Variants in ABCC11 observed in about 807,000 individuals in gnomAD.
The protein encoded by ABCC11 is ATP binding cassette subfamily C member 11, also known as ATP-binding cassette sub-family C member 11.
In ABCC11, 135 loss-of-function variants were observed where a neutral mutation model predicts 149.3. That is an observed-to-expected ratio of 0.90 (90% confidence interval 0.79 to 1.04). ABCC11 has a LOEUF of 1.04. Among genes scored for constraint, ABCC11 ranks in the 50% least tolerant of loss-of-function variants. ABCC11 has a pLI of 0.00. For missense variants in ABCC11, 1,680 were observed against 1,722.1 expected (o/e 0.98, Z 0.43); for synonymous variants, 665 against 671.4 (o/e 0.99, Z 0.15).
chr16:48,192,398 T>A (rs2150785426), intron 20 of ABCC11, 122 bp downstream of exon 20: 1 of 1,086,548 alleles, frequency 9.2e-7, no homozygotes, highest in South Asian at 1.7e-5. Context: ...GAGTGGAGAT[T>A]GTGCCACTGC....
chr16:48,222,554 G>T, intron 6 of ABCC11, 44 bp downstream of exon 6: 3 of 1,545,764 alleles, frequency 1.9e-6, no homozygotes, highest in Non-Finnish European at 2.7e-6. Flanking sequence ...TCCGGAGGAA[G>T]GGTAGGGAAG....
At chr16:48,180,866 A>T (rs767164361) in intron 23 of ABCC11, among the ~76,000 whole-genome samples, 65 of 152,230 alleles carry the variant, frequency 4.3e-4, no homozygotes, top group Non-Finnish European at 8.4e-4. Context: ...CTGAGACGTT[A>T]TTACCAGGAT....
rs773385493 is a variant in ABCC11 at position 48,200,422 on chromosome 16, G to A, written c.1936C>T (p.Arg646Cys). Residue 646 changes from arginine (R) to cysteine (C), a missense_variant, in exon 15 of 30, where the codon CGC becomes TGC. By Grantham distance (180) the Arg-to-Cys change is radical (BLOSUM62 -3). Coordinates refer to ENST00000356608, the MANE Select transcript of ABCC11 (RefSeq NM_001370497.1). ...ATCTGACGGTCGGAATAGACGGCGC[G>A]GGCCAGGCTGATCCTCTGTTTCTGC... ...GGQKQRISLA[R>C]AVYSDRQIYL... is the part of the protein sequence containing the mutation. 40 of 1,614,072 alleles carry A rather than the reference G, an allele frequency of 2.5e-5. No homozygotes were observed. The highest frequency in any genetic ancestry group is 1.6e-4 in the East Asian group (7 of 44,886).
chr16:48,229,423 C>T (rs1296597497), intron 3 of ABCC11, among the ~76,000 whole-genome samples: 1 of 148,100 alleles, frequency 6.8e-6, no homozygotes, highest in Admixed American at 6.7e-5. Context: ...TGGAAATCAA[C>T]TTGGTTACTC....
Position 48,208,436 on chromosome 16 carries a change from T to G in ABCC11, c.1669A>C (p.Ile557Leu). ...GSGKSSLLSAILEEMHLLEGS... is the reference protein window; with the variant it reads ...GSGKSSLLSALLEEMHLLEGS... ...CACAGATCACTTACCTCCTCCAGGA[T>G]GGCTGACAACAGGCTGCTCTTACCA... Residue 557 changes from isoleucine to leucine, a missense_variant, in exon 12 of 30, where the codon ATC (isoleucine) becomes CTC (leucine). Physicochemically the swap from Ile to Leu is conservative, Grantham distance 5 (BLOSUM62 2). Transcript: ENST00000356608. 1 of 1,614,166 alleles carries G rather than the reference T, an allele frequency of 6.2e-7. No homozygotes were observed. Among genetic ancestry groups the G allele is most frequent in the South Asian group, 1.1e-5 (1 of 91,086 alleles).
intron 3 of ABCC11, among the ~76,000 whole-genome samples, chr16:48,228,965 G>A (rs774260336): frequency 2.3e-4 from 35 of 151,534 alleles, no homozygotes; most frequent in African/African-American, 8.2e-4. Flanking sequence ...AATGCAATTC[G>A]AAAAGAGACT....
At chr16:48,196,446 T>A in intron 17 of ABCC11, 125 bp from the exon 18 acceptor site, 1 of 868,084 alleles carries the variant, frequency 1.2e-6, no homozygotes, top group African/African-American at 1.7e-5. Flanking sequence ...CACCTATGTC[T>A]AAGGTTTTTC....
rs770963638 is a variant in ABCC11, at chr16:48,215,284, G to A, written c.1012C>T (p.Arg338Cys). 1.2e-5 allele frequency: 19 copies of A among 1,614,120 alleles called. No homozygotes were observed. Among genetic ancestry groups the A allele is most frequent in the East Asian group, 2.2e-5 (1 of 44,888 alleles). ...QHHTSEVSDQ[R>C]IRVTSEVLTC... ...AGAACTTCACTGGTCACACGGATGC[G>A]CTGGTCGCTGACCTCAGATGTGTGA... is the stretch of plus-strand genomic sequence containing the variant. Residue 338 changes from arginine (R) to cysteine (C), a missense_variant, in exon 8 of 30, where the codon CGC becomes TGC. Physicochemically the swap from Arg to Cys is radical, Grantham distance 180. Coordinates refer to ENST00000356608, the MANE Select transcript of ABCC11 (RefSeq NM_001370497.1).
At chr16:48,211,841 G>A (rs1397175293) in intron 10 of ABCC11, among the ~76,000 whole-genome samples, 5 of 152,190 alleles carry the variant, frequency 3.3e-5, no homozygotes, top group African/African-American at 1.2e-4. Context: ...CACAAGGGTT[G>A]AACTACATAA....
chr16:48,200,659 T>C (rs1967888883), intron 14 of ABCC11, among the ~76,000 whole-genome samples, 180 bp from the exon 15 acceptor site: 1 of 152,216 alleles, frequency 6.6e-6, no homozygotes, highest in Non-Finnish European at 1.5e-5. Flanking sequence ...CTCACTCATA[T>C]GTGGGAGCTT....
intron 13 of ABCC11, among the ~76,000 whole-genome samples, 177 bp downstream of exon 13, chr16:48,205,236 T>C (rs1028697763): frequency 3.3e-5 from 5 of 152,212 alleles, no homozygotes; most frequent in Non-Finnish European, 7.3e-5. Context: ...GGGCCTCAGC[T>C]GATTCATCTG....
Position 48,170,149 on chromosome 16 carries a change from T to A in ABCC11, c.3847A>T (p.Arg1283Trp), listed in dbSNP as rs773530936. The change falls in exon 28 of 30, where the codon AGG (arginine) becomes TGG (tryptophan). Residue 1283 changes from arginine to tryptophan, a missense_variant. By Grantham distance (101) the Arg-to-Trp change is moderately radical (BLOSUM62 -3). Transcript: ENST00000356608. ...ENGGNFSVGE[R>W]QLLCIARAVL... ...GCCCTGGCAATGCAGAGCAGCTGCCTCTCCCCCACAGAGAAGTTTCCACCG... is the reference window on the plus strand; with the variant it reads ...GCCCTGGCAATGCAGAGCAGCTGCCACTCCCCCACAGAGAAGTTTCCACCG... 1.4e-5 allele frequency: 23 copies of A among 1,613,976 alleles called. No individual in the cohort carries two copies. The highest frequency in any genetic ancestry group is 1.8e-5 in the Non-Finnish European group (21 of 1,179,980).
At chr16:48,182,614 C>G (rs1357073793) in intron 23 of ABCC11, among the ~76,000 whole-genome samples, 4 of 151,952 alleles carry the variant, frequency 2.6e-5, no homozygotes, top group African/African-American at 9.7e-5. Context: ...CCCATCTCTA[C>G]TAAAAAAAAT....
intron 20 of ABCC11, among the ~76,000 whole-genome samples, chr16:48,190,302 T>G (rs757987239): frequency 1.3e-5 from 2 of 151,998 alleles, no homozygotes; most frequent in African/African-American, 2.4e-5. Flanking sequence ...ATAGTAACAC[T>G]TAGTAAGTGA....
At chr16:48,178,926 G>A (rs1966261327) in intron 23 of ABCC11, among the ~76,000 whole-genome samples, 1 of 152,160 alleles carries the variant, frequency 6.6e-6, no homozygotes, top group Non-Finnish European at 1.5e-5. Flanking sequence ...CACCTCGAGT[G>A]CCCTCTGTAT....
intron 1 of ABCC11, among the ~76,000 whole-genome samples, chr16:48,241,865 C>T (rs924066705): frequency 6.6e-6 from 1 of 152,126 alleles, no homozygotes; most frequent in Non-Finnish European, 1.5e-5. Context: ...AAACTGGATC[C>T]CTTCCTTATA....
chr16:48,225,217 A>G (rs1453462043), intron 4 of ABCC11, among the ~76,000 whole-genome samples: 1 of 152,170 alleles, frequency 6.6e-6, no homozygotes, highest in Non-Finnish European at 1.5e-5. Context: ...TGTCAAAAAA[A>G]TAAAATAAAA....
chr16:48,196,977 C>T (rs1391177233), intron 17 of ABCC11, among the ~76,000 whole-genome samples: 1 of 148,686 alleles, frequency 6.7e-6, no homozygotes, highest in Non-Finnish European at 1.5e-5. Flanking sequence ...GAATTTTAAT[C>T]CTGAGGGAAA....
chr16:48,246,334 C>T (rs74016326), intron 1 of ABCC11, among the ~76,000 whole-genome samples: 1,870 of 152,280 alleles, frequency 0.012, 40 homozygotes, highest in African/African-American at 0.042. Flanking sequence ...TCCCAACATA[C>T]GACTCTGCTC....
Sources: gnomAD v4.1 joint callset for allele counts (sites outside exome capture counted in the v4.1 genomes callset) on GRCh38, gnomAD v4.1.1 for gene constraint, MANE v1.5 for transcripts, NCBI Gene and HGNC (gene_info 2026-07-23, HGNC 2026-07-21) for gene names.